Variants in C11orf71 observed in about 807,000 individuals in gnomAD.
C11orf71 encodes the protein uncharacterized protein C11orf71.
For missense variants in C11orf71, 179 were observed against 167.6 expected, an observed-to-expected ratio of 1.07 and a Z score of -0.38; for synonymous variants, 72 against 73.4, an observed-to-expected ratio of 0.98 and a Z score of 0.09.
At chr11:114,394,249 T>TTTCTTTTCTTTTCTTTTCTA (rs1565256620), downstream of C11orf71, among the ~76,000 whole-genome samples, 1 of 61,052 alleles carries the variant, frequency 1.6e-5, no homozygotes, top group East Asian at 5.7e-4. Context: ...TTTCTTTTCT[T>TTTCTTTTCTTTTCTTTTCTA]TTCTTTTCTT....
At chr11:114,398,397 C>T (rs1946143645), downstream of C11orf71, 1 of 151,094 alleles carries the variant, frequency 6.6e-6, no homozygotes, top group Non-Finnish European at 1.5e-5. Context: ...AGGGCTCTAT[C>T]ATTTACTAGC....
At chr11:114,393,177 A>G (rs1277826721) in intron 1 of C11orf71, among the ~76,000 whole-genome samples, 1 of 152,232 alleles carries the variant, frequency 6.6e-6, no homozygotes, top group Non-Finnish European at 1.5e-5. Flanking sequence ...TTCAACAACA[A>G]CTTAACATTG....
In C11orf71 at chr11:114,399,939, G is replaced by A. The variant is rs768060118; in HGVS notation, c.*21C>T. On this transcript the variant is annotated 3_prime_UTR_variant, in exon 1 of 1. Transcript: ENST00000623205. ...AAGGCCTGTTCACAAGCTAAGTGAG[G>A]GCCAGAGGAAAGGTGTTCGTTTAAA... The A allele has an allele frequency of 4.6e-5, 73 of 1,573,050 alleles. No homozygotes were observed. The highest frequency in any genetic ancestry group is 6.0e-5 in the Non-Finnish European group (69 of 1,154,728).
intron 1 of C11orf71, among the ~76,000 whole-genome samples, chr11:114,392,002 T>C (rs1341616735): frequency 6.6e-6 from 1 of 152,068 alleles, no homozygotes; most frequent in East Asian, 1.9e-4. Context: ...TGTGGGCAGA[T>C]TATCAAGCTG....
downstream of C11orf71, among the ~76,000 whole-genome samples, chr11:114,396,310 C>T (rs573613640): frequency 2.0e-5 from 3 of 152,298 alleles, no homozygotes; most frequent in South Asian, 4.1e-4. Flanking sequence ...CTTTAACATG[C>T]CCTTACACAT....
downstream of C11orf71, among the ~76,000 whole-genome samples, chr11:114,396,879 T>C (rs191204954): frequency 1.1e-4 from 17 of 152,378 alleles, no homozygotes; most frequent in Admixed American, 9.1e-4. Flanking sequence ...TCCTTTCTTC[T>C]TCTTTTCTAC....
In C11orf71 at chr11:114,400,045, G is replaced by A. The variant is rs754770643; in HGVS notation, c.287C>T (p.Ala96Val). 57 of 1,614,034 alleles carry A rather than the reference G, an allele frequency of 3.5e-5. No homozygotes were observed. In the South Asian group the frequency reaches 6.0e-4, roughly 17 times the overall value. ...QARFSPYPIP[A>V]VEPDLLRSVL... is the part of the protein sequence containing the mutation. ...ACTTCTTAGGAGATCGGGTTCAACG[G>A]CAGGGATTGGGTAAGGTGAGAATCT... The change falls in exon 1 of 1, where the codon GCC becomes GTC. Residue 96 changes from alanine (A) to valine (V), a missense_variant. Coordinates refer to ENST00000623205, the MANE Select transcript of C11orf71 (RefSeq NM_001271562.2).
chr11:114,392,827 C>T (rs964627093), intron 1 of C11orf71, among the ~76,000 whole-genome samples: 2 of 151,624 alleles, frequency 1.3e-5, no homozygotes, highest in Non-Finnish European at 2.9e-5. Context: ...GCCAGATCTG[C>T]CCACTGGCCA....
chr11:114,397,300 A>C (rs1407229324), downstream of C11orf71, among the ~76,000 whole-genome samples: 1 of 152,204 alleles, frequency 6.6e-6, no homozygotes, highest in Non-Finnish European at 1.5e-5. Context: ...TTGTGCACTA[A>C]TATATGGATG....
At chr11:114,394,181 TTC>T (rs1491312181), downstream of C11orf71, among the ~76,000 whole-genome samples, 1 of 41,454 alleles carries the variant, frequency 2.4e-5, no homozygotes, top group East Asian at 4.2e-4. Flanking sequence ...GGGGTTTCGT[TTC>T]TTTTCTTTTC....
At chr11:114,394,277 CTTT>C (rs1174811159), downstream of C11orf71, among the ~76,000 whole-genome samples, 205 of 69,016 alleles carry the variant, frequency 3.0e-3, 15 homozygotes, top group African/African-American at 0.012. Flanking sequence ...CTTTTCTTTT[CTTT>C]TCTTTTCTCT....
intron 1 of C11orf71, among the ~76,000 whole-genome samples, chr11:114,392,619 T>C (rs1394047310): frequency 9.4e-5 from 14 of 148,958 alleles, no homozygotes; most frequent in Non-Finnish European, 2.1e-4. Flanking sequence ...TAATCCCAGC[T>C]ACTGGGGAGG....
At chr11:114,395,516 A>T (rs1946124538), downstream of C11orf71, among the ~76,000 whole-genome samples, 1 of 152,226 alleles carries the variant, frequency 6.6e-6, no homozygotes, top group South Asian at 2.1e-4. Flanking sequence ...GCACTGCTTC[A>T]GTGACTCTCA....
chr11:114,392,951 G>C (rs905717855), intron 1 of C11orf71, among the ~76,000 whole-genome samples: 3 of 152,168 alleles, frequency 2.0e-5, no homozygotes, highest in Non-Finnish European at 4.4e-5. Context: ...AGGCCTGAAG[G>C]CTAAATCTAG....
At chr11:114,395,369 A>T (rs557690625), downstream of C11orf71, among the ~76,000 whole-genome samples, 1 of 152,344 alleles carries the variant, frequency 6.6e-6, no homozygotes, top group East Asian at 1.9e-4. Context: ...GAGGACAAGC[A>T]ATTTGGTTAA....
downstream of C11orf71, among the ~76,000 whole-genome samples, chr11:114,394,229 T>TC (rs1491298469): frequency 9.9e-4 from 5 of 5,050 alleles, no homozygotes; most frequent in African/African-American, 8.5e-3. Context: ...TTTTCTTTTC[T>TC]TTCTTTTCTT....
chr11:114,393,145 A>T (rs1421661660), intron 1 of C11orf71, among the ~76,000 whole-genome samples: 1 of 152,234 alleles, frequency 6.6e-6, no homozygotes, highest in Admixed American at 6.5e-5. Flanking sequence ...TACATGCCAC[A>T]CTTATAGGGT....
At chr11:114,394,281 T>C (rs1203888737), downstream of C11orf71, among the ~76,000 whole-genome samples, 1 of 84,700 alleles carries the variant, frequency 1.2e-5, no homozygotes, top group Non-Finnish European at 2.1e-5. Flanking sequence ...TCTTTTCTTT[T>C]CTTTTCTCTT....
In C11orf71 at chr11:114,399,728, A is replaced by G. The variant is rs603483; in HGVS notation, c.*232T>C. 7,120 of 619,434 alleles carry G rather than the reference A, an allele frequency of 0.011. 384 individuals are homozygous for G. The highest frequency in any genetic ancestry group is 0.11 in the African/African-American group (6,182 of 54,292). The allele number at this position is 619,434 out of a possible 1,614,324, so 38.4% of individuals were successfully genotyped here. On this transcript the variant is annotated 3_prime_UTR_variant, in exon 1 of 1. Transcript: ENST00000623205. Reference sequence around the variant, plus strand: ...ATCAGCTCAGCTTTGTGACGACCTAAGAATATCCCTTCCACACCTTTCCTG... The same window carrying G: ...ATCAGCTCAGCTTTGTGACGACCTAGGAATATCCCTTCCACACCTTTCCTG...
Sources: gnomAD v4.1 joint callset for allele counts (sites outside exome capture counted in the v4.1 genomes callset) on GRCh38, gnomAD v4.1.1 for gene constraint, MANE v1.5 for transcripts, NCBI Gene and HGNC (gene_info 2026-07-23, HGNC 2026-07-21) for gene names.